The following EXTL3 variants were observed in gnomAD, a reference collection of about 807,000 sequenced individuals.
The protein encoded by EXTL3 is exostosin-like 3.
In EXTL3, 27 loss-of-function variants were observed where a neutral mutation model predicts 69.3. That is an observed-to-expected ratio of 0.39 (90% CI 0.29 to 0.54). The LOEUF (loss-of-function observed/expected upper bound fraction) is 0.54, where lower values mean the gene tolerates loss of function less well. Among genes scored for constraint, EXTL3 ranks in the 20% least tolerant of loss-of-function variants. EXTL3 has a pLI of 0.69. For missense variants in EXTL3, 1,003 were observed against 1,231.8 expected (o/e 0.81, Z 2.78); for synonymous variants, 511 against 499.4 (o/e 1.02, Z -0.31).
chr8:28,677,346 T>C (rs1807404124), intron 1 of EXTL3, among the ~76,000 whole-genome samples: 1 of 152,140 alleles, frequency 6.6e-6, no homozygotes, highest in Non-Finnish European at 1.5e-5. Flanking sequence ...TGTACCTTTC[T>C]GACTCCCCCA....
At chr8:28,662,607 G>A (rs1807133638) in intron 1 of EXTL3, among the ~76,000 whole-genome samples, 1 of 152,166 alleles carries the variant, frequency 6.6e-6, no homozygotes, top group Non-Finnish European at 1.5e-5. Flanking sequence ...ACACTGCAGA[G>A]GAAACCTGTT....
At chr8:28,697,846 A>AC (rs1800709536), upstream of EXTL3, 1 of 151,914 alleles carries the variant, frequency 6.6e-6, no homozygotes, top group South Asian at 2.1e-4. Context: ...GAAAAAAAAA[A>AC]AAAAACTACA....
chr8:28,723,439 G>A (rs1412941398), intron 3 of EXTL3, among the ~76,000 whole-genome samples: 3 of 152,242 alleles, frequency 2.0e-5, no homozygotes, highest in African/African-American at 7.2e-5. Context: ...AAGAAATACA[G>A]AAGTTGAAAG....
chr8:28,677,136 T>A (rs1807400053), intron 1 of EXTL3, among the ~76,000 whole-genome samples: 1 of 150,044 alleles, frequency 6.7e-6, no homozygotes, highest in Non-Finnish European at 1.5e-5. Context: ...AGAAAAGGGA[T>A]AATTAATGAA....
At chr8:28,671,318 T>G (rs7017401) in intron 1 of EXTL3, among the ~76,000 whole-genome samples, 2,102 of 145,524 alleles carry the variant, frequency 0.014, 57 homozygotes, top group African/African-American at 0.05. Context: ...TGTTTTTTTT[T>G]TTTTTTTTTT....
chr8:28,694,252 G>A (rs1800654874), intron 1 of EXTL3, among the ~76,000 whole-genome samples: 1 of 152,154 alleles, frequency 6.6e-6, no homozygotes. Context: ...CTAATTTATT[G>A]GTAAGAGAAC....
In EXTL3 at chr8:28,609,316, G is replaced by A. The variant is rs149827108; in HGVS notation, n.314+1558G>A. 2.0e-4 allele frequency among the ~76,000 whole-genome samples: 31 copies of A among 152,088 alleles called. 1 individual carries two copies. The highest frequency in any genetic ancestry group is 7.5e-4 in the African/African-American group (31 of 41,420). On this transcript the variant is annotated intron_variant and non_coding_transcript_variant, in intron 2 of 4. Coordinates refer to the EXTL3 transcript ENST00000522725. Reference sequence around the variant, plus strand: ...GTAAGCAGAGGGAAAACTTGATATGGTGCATATTTTTAAGGTCACTGGCAT... The same window carrying A: ...GTAAGCAGAGGGAAAACTTGATATGATGCATATTTTTAAGGTCACTGGCAT...
chr8:28,629,114 G>A (rs556184211), intron 1 of EXTL3, among the ~76,000 whole-genome samples: 17 of 152,196 alleles, frequency 1.1e-4, no homozygotes, highest in African/African-American at 4.1e-4. Context: ...GCAACTTCAA[G>A]CAAAGGGAGG....
chr8:28,614,476 G>A (rs1806308308), intron 2 of EXTL3, among the ~76,000 whole-genome samples: 1 of 151,830 alleles, frequency 6.6e-6, no homozygotes, highest in South Asian at 2.1e-4. Context: ...ATTTTACCAT[G>A]TTGCTCAGGC....
chr8:28,675,734 G>T (rs1290484093), intron 1 of EXTL3, among the ~76,000 whole-genome samples: 1 of 152,106 alleles, frequency 6.6e-6, no homozygotes, highest in Non-Finnish European at 1.5e-5. Context: ...AGAAAATGTT[G>T]AATCTGGCTG....
At chr8:28,708,909 C>T (rs1285235240) in intron 1 of EXTL3, among the ~76,000 whole-genome samples, 4 of 152,112 alleles carry the variant, frequency 2.6e-5, no homozygotes. Flanking sequence ...CAGGTAAATA[C>T]TTTGAATATA....
At chr8:28,749,329 G>A (rs1229903056) in intron 6 of EXTL3, among the ~76,000 whole-genome samples, 2 of 152,134 alleles carry the variant, frequency 1.3e-5, no homozygotes, top group East Asian at 3.8e-4. Flanking sequence ...CAAACAGATT[G>A]GAAAGCCCTA....
chr8:28,680,209 T>C (rs1289876999), intron 1 of EXTL3, among the ~76,000 whole-genome samples: 2 of 152,032 alleles, frequency 1.3e-5, no homozygotes, highest in South Asian at 2.1e-4. Flanking sequence ...CTGGCCAACA[T>C]GGTGAAGCCC....
rs1801074883 is a variant in EXTL3 at position 28,713,538 on chromosome 8, C to G, written c.-488C>G. ...TACACAAGTCAGAGGAAGGAAGGGT[C>G]CTGAAACACATGGTGAGGAAGGAAT... On this transcript the variant is annotated 5_prime_UTR_variant, in exon 2 of 7. Coordinates refer to ENST00000220562, the MANE Select transcript of EXTL3 (RefSeq NM_001440.4). The G allele has an allele frequency of 1.4e-6, 1 of 702,014 alleles. No homozygotes were observed. Among genetic ancestry groups the G allele is most frequent in the Admixed American group, 2.0e-5 (1 of 49,978 alleles). 43.5% of individuals were successfully genotyped at this position (702,014 alleles called of 1,614,324 possible).
chr8:28,652,608 C>T (rs1806944968), intron 1 of EXTL3, among the ~76,000 whole-genome samples: 2 of 151,902 alleles, frequency 1.3e-5, no homozygotes, highest in African/African-American at 4.8e-5. Context: ...AAGCCATGAT[C>T]GTGCCACTGC....
chr8:28,703,461 G>A (rs554541333), intron 1 of EXTL3, among the ~76,000 whole-genome samples: 1 of 152,304 alleles, frequency 6.6e-6, no homozygotes, highest in South Asian at 2.1e-4. Flanking sequence ...CTAGGAGAGA[G>A]GGCAAGTCCA....
intron 2 of EXTL3, among the ~76,000 whole-genome samples, chr8:28,713,998 C>A (rs190788921): frequency 6.6e-6 from 1 of 151,320 alleles, no homozygotes; most frequent in East Asian, 1.9e-4. Context: ...CCTCCACCTC[C>A]CGGGTTCAGG....
Position 28,717,175 on chromosome 8 carries a change from C to T in EXTL3, c.1116C>T (p.Pro372=), listed in dbSNP as rs142915974. 738 of 1,614,208 alleles carry T rather than the reference C, an allele frequency of 4.6e-4. 5 individuals carry two copies. In the Middle Eastern group the frequency reaches 0.014, roughly 31 times the overall value. Reference sequence around the variant, plus strand: ...AAGAGGAAATGGAGGGCGACCCTCCCGCCGACTACGATGACCGGATCATTG... The same window carrying T: ...AAGAGGAAATGGAGGGCGACCCTCCTGCCGACTACGATGACCGGATCATTG... ...SFEEEMEGDP[P]ADYDDRIIAT... The change falls in exon 3 of 7, where the codon CCC becomes CCT. Residue 372 remains proline (P), a synonymous_variant. Coordinates refer to ENST00000220562, the MANE Select transcript of EXTL3 (RefSeq NM_001440.4). This position sits in a 1 kb window ranked among gnomAD's most constrained non-coding sequence, Gnocchi z 8.3.
At chr8:28,735,658 G>T (rs909391355) in intron 4 of EXTL3, among the ~76,000 whole-genome samples, 1 of 152,064 alleles carries the variant, frequency 6.6e-6, no homozygotes, top group Non-Finnish European at 1.5e-5. Context: ...TCCCCAATTT[G>T]CTTATTTCAC....
Sources: gnomAD v4.1 joint callset for allele counts (sites outside exome capture counted in the v4.1 genomes callset) on GRCh38, gnomAD v4.1.1 for gene constraint, Gnocchi (gnomAD v3.1) non-coding constraint, MANE v1.5 for transcripts, NCBI Gene and HGNC (gene_info 2026-07-23, HGNC 2026-07-21) for gene names.